EPB41L4A: variants seen among roughly 807,000 people sequenced by gnomAD.
The protein encoded by EPB41L4A is erythrocyte membrane protein band 4.1 like 4A.
In EPB41L4A, 100 loss-of-function variants were observed where a neutral mutation model predicts 108.6. That is an observed-to-expected ratio of 0.92 (90% CI 0.78 to 1.09). EPB41L4A has a LOEUF of 1.09. EPB41L4A is among the 50% of genes least tolerant of loss of function. The probability of loss-of-function intolerance (pLI) is 0.00; values close to 1 mark genes in which losing one functional copy is unlikely to be tolerated. For missense variants in EPB41L4A, 1,030 were observed against 842.7 expected (o/e 1.22, Z -2.75); for synonymous variants, 319 against 289.0 (o/e 1.10, Z -1.05).
At chr5:112,259,073 C>G (rs1017117889) in intron 9 of EPB41L4A, among the ~76,000 whole-genome samples, 156 bp downstream of exon 9, 6 of 152,182 alleles carry the variant, frequency 3.9e-5, no homozygotes, top group African/African-American at 1.4e-4. Context: ...CTATTCACTT[C>G]CCTTTCCTTC....
chr5:112,336,207 C>G (rs1177943714), intron 1 of EPB41L4A, among the ~76,000 whole-genome samples: 1 of 152,174 alleles, frequency 6.6e-6, no homozygotes, highest in Non-Finnish European at 1.5e-5. Flanking sequence ...AATCCAGAAA[C>G]AAACACATTT....
At chr5:112,245,005 T>C (rs1166331087) in intron 9 of EPB41L4A, among the ~76,000 whole-genome samples, 2 of 152,030 alleles carry the variant, frequency 1.3e-5, no homozygotes, top group South Asian at 2.1e-4. Flanking sequence ...GAAGTGAGCA[T>C]GTGCTTTTGG....
At chr5:112,381,749 C>A (rs964036201) in intron 1 of EPB41L4A, among the ~76,000 whole-genome samples, 3 of 152,260 alleles carry the variant, frequency 2.0e-5, no homozygotes, top group African/African-American at 7.2e-5. Flanking sequence ...TGGGCTCCCA[C>A]AACCAGACAC....
chr5:112,296,876 G>C (rs1188426402), intron 2 of EPB41L4A, among the ~76,000 whole-genome samples: 1 of 151,880 alleles, frequency 6.6e-6, no homozygotes, highest in African/African-American at 2.4e-5. Context: ...TTCCATTCCT[G>C]AGTTACTTCA....
At chr5:112,310,347 A>G (rs979765194) in intron 1 of EPB41L4A, among the ~76,000 whole-genome samples, 1 of 152,158 alleles carries the variant, frequency 6.6e-6, no homozygotes, top group African/African-American at 2.4e-5. Context: ...AGTTTTCAAA[A>G]TGCTTTTTCA....
In EPB41L4A at chr5:112,150,526, G is replaced by A. The variant is rs1284546881; in HGVS notation, n.995-4528C>T. 2.6e-5 allele frequency among the ~76,000 whole-genome samples: 4 copies of A among 152,114 alleles called. No homozygotes were observed. The East Asian group carries it at 7.7e-4, about 29-fold the overall frequency. On this transcript the variant is annotated intron_variant and non_coding_transcript_variant, in intron 12 of 13. Coordinates refer to the EPB41L4A transcript ENST00000507810. ...CATTAAAAACTCAGTATTAACAGCT[G>A]AAAAGAGAATTAGTGAGTTGGAAGA...
intron 2 of EPB41L4A, among the ~76,000 whole-genome samples, chr5:112,295,849 C>T (rs1458243276): frequency 6.6e-6 from 1 of 152,160 alleles, no homozygotes; most frequent in African/African-American, 2.4e-5. Flanking sequence ...CTTGCAATTT[C>T]CATACTCTAG....
intron 1 of EPB41L4A, among the ~76,000 whole-genome samples, chr5:112,318,465 A>C (rs1304218145): frequency 6.6e-6 from 1 of 152,190 alleles, no homozygotes; most frequent in Non-Finnish European, 1.5e-5. Context: ...AGAGACCTTG[A>C]GAATACATAA....
intron 15 of EPB41L4A, among the ~76,000 whole-genome samples, chr5:112,200,406 A>G (rs1225204314): frequency 1.3e-5 from 2 of 152,218 alleles, no homozygotes; most frequent in African/African-American, 4.8e-5. Context: ...TTCTGTATGC[A>G]TGCTAGGTTT....
intron 9 of EPB41L4A, among the ~76,000 whole-genome samples, chr5:112,247,267 T>C (rs889868787): frequency 6.6e-6 from 1 of 152,164 alleles, no homozygotes; most frequent in Non-Finnish European, 1.5e-5. Context: ...GGTGGGTGTT[T>C]TTAAGGGCAC....
intron 1 of EPB41L4A, among the ~76,000 whole-genome samples, chr5:112,344,817 T>C (rs1020190116): frequency 1.3e-5 from 2 of 152,188 alleles, no homozygotes; most frequent in African/African-American, 4.8e-5. Context: ...AAACTGAATA[T>C]ATAGCACCTA....
intron 3 of EPB41L4A, among the ~76,000 whole-genome samples, chr5:112,276,192 T>G (rs113713871): frequency 7.5e-4 from 114 of 152,346 alleles, no homozygotes; most frequent in African/African-American, 2.5e-3. Flanking sequence ...TAAACATTTC[T>G]GAATCTAAAA....
Position 112,351,318 on chromosome 5 carries a change from C to A in EPB41L4A, c.100-43828G>T, listed in dbSNP as rs116504143. On this transcript the variant is annotated intron_variant, in intron 1 of 22. Coordinates refer to ENST00000261486, the MANE Select transcript of EPB41L4A (RefSeq NM_022140.5). The stretch of plus-strand genomic sequence containing the variant: ...ACTGATAGCACAGAAATACAAAGAT[C>A]ATCAGAGACTATTATGAACAATAAT... Among the ~76,000 whole-genome samples, 1,111 of 152,180 alleles carry A rather than the reference C, an allele frequency of 7.3e-3. 10 individuals are homozygous for A. Among genetic ancestry groups the A allele is most frequent in the African/African-American group, 0.026 (1,062 of 41,534 alleles).
chr5:112,268,399 AC>A (rs1752017726), intron 4 of EPB41L4A, among the ~76,000 whole-genome samples: 1 of 152,060 alleles, frequency 6.6e-6, no homozygotes, highest in Admixed American at 6.5e-5. Context: ...CAAAAAAAAA[AC>A]CTTATAAACA....
intron 1 of EPB41L4A, among the ~76,000 whole-genome samples, chr5:112,367,265 C>G (rs368513208): frequency 1.3e-5 from 2 of 152,348 alleles, no homozygotes; most frequent in South Asian, 2.1e-4. Context: ...AGCTCCAGTA[C>G]TGCACCTCAT....
intron 12 of EPB41L4A, among the ~76,000 whole-genome samples, chr5:112,157,572 A>G (rs1759694575): frequency 6.6e-6 from 1 of 152,134 alleles, no homozygotes; most frequent in South Asian, 2.1e-4. Flanking sequence ...GGCTGCCCAT[A>G]TTCTTTGGCT....
chr5:112,270,912 G>C, intron 4 of EPB41L4A, among the ~76,000 whole-genome samples: 1 of 152,196 alleles, frequency 6.6e-6, no homozygotes, highest in Admixed American at 6.5e-5. Context: ...AAAATATTAT[G>C]AATGAGTCAT....
intron 17 of EPB41L4A, among the ~76,000 whole-genome samples, chr5:112,189,790 AG>A (rs1761603190): frequency 6.6e-6 from 1 of 152,216 alleles, no homozygotes; most frequent in Non-Finnish European, 1.5e-5. Context: ...AGTAATTCAA[AG>A]ATTCTCCTCA....
At chr5:112,317,886 A>G (rs1366014755) in intron 1 of EPB41L4A, among the ~76,000 whole-genome samples, 1 of 152,246 alleles carries the variant, frequency 6.6e-6, no homozygotes, top group East Asian at 1.9e-4. Flanking sequence ...GATAACCCAT[A>G]TGAACAAAAG....
Sources: allele counts gnomAD v4.1 joint callset (sites outside exome capture counted in the v4.1 genomes callset), GRCh38; gene constraint gnomAD v4.1.1; transcripts MANE v1.5; gene names NCBI Gene and HGNC (gene_info 2026-07-23, HGNC 2026-07-21).